GMDS: variants seen among roughly 807,000 people sequenced by gnomAD.
GMDS encodes GDP-mannose 4,6-dehydratase.
A neutral mutation model predicts 49.9 loss-of-function variants in GMDS; 20 were observed. That is an observed-to-expected ratio of 0.40 (90% CI 0.28 to 0.58). The LOEUF (loss-of-function observed/expected upper bound fraction) is 0.58, where lower values mean the gene tolerates loss of function less well. GMDS is among the 20% of genes least tolerant of loss of function. The probability of loss-of-function intolerance (pLI) is 0.42; values close to 1 mark genes in which losing one functional copy is unlikely to be tolerated. For synonymous variants in GMDS, 177 were observed against 178.6 expected (o/e 0.99, Z 0.07); for missense variants, 362 against 481.4 (o/e 0.75, Z 2.32).
intron 4 of GMDS, among the ~76,000 whole-genome samples, chr6:2,039,553 T>C (rs1286432485): frequency 6.6e-6 from 1 of 152,192 alleles, no homozygotes; most frequent in African/African-American, 2.4e-5. Context: ...CTTTATATCC[T>C]TATTCTATAA....
chr6:1,999,918 T>G, intron 4 of GMDS, among the ~76,000 whole-genome samples: 2 of 97,400 alleles, frequency 2.1e-5, no homozygotes, highest in Non-Finnish European at 3.9e-5. Context: ...ATATATTATA[T>G]ACATATTATA....
chr6:2,182,632 C>A (rs1778604552), intron 1 of GMDS, among the ~76,000 whole-genome samples: 1 of 152,150 alleles, frequency 6.6e-6, no homozygotes. Context: ...AACAACAAAG[C>A]CTGGATGACA....
chr6:1,670,533 A>C (rs1189685411), intron 9 of GMDS, among the ~76,000 whole-genome samples: 1 of 152,000 alleles, frequency 6.6e-6, no homozygotes, highest in African/African-American at 2.4e-5. Context: ...CAGATATGTA[A>C]AAGAAATTGG....
At chr6:1,816,880 G>T (rs553263696) in intron 7 of GMDS, among the ~76,000 whole-genome samples, 3 of 151,470 alleles carry the variant, frequency 2.0e-5, no homozygotes, top group South Asian at 2.1e-4. Context: ...TCAATGGAAG[G>T]GGGGTGGTAG....
rs6921244 is a variant in GMDS, at chr6:2,014,763, T to C, written c.346-53797A>G. Among the ~76,000 whole-genome samples the C allele has an allele frequency of 7.3e-4, 111 of 152,156 alleles. 1 individual carries two copies. Among genetic ancestry groups the C allele is most frequent in the African/African-American group, 2.5e-3 (103 of 41,540 alleles). ...AATGTAAATAGTCTAAATATACTAA[T>C]TAGAAAACAAAGAGTGACACAGTGG... On this transcript the variant is annotated intron_variant, in intron 4 of 10. Transcript: ENST00000380815.
intron 6 of GMDS, among the ~76,000 whole-genome samples, chr6:1,947,289 C>T (rs927144073): frequency 6.6e-6 from 1 of 152,096 alleles, no homozygotes; most frequent in African/African-American, 2.4e-5. Context: ...TTGTCTTCCT[C>T]AAAAAACATT....
At chr6:1,717,335 T>C (rs1766211341) in intron 9 of GMDS, among the ~76,000 whole-genome samples, 1 of 152,232 alleles carries the variant, frequency 6.6e-6, no homozygotes, top group Non-Finnish European at 1.5e-5. Flanking sequence ...GATGGGTTTT[T>C]GCAGACAGGT....
intron 9 of GMDS, among the ~76,000 whole-genome samples, chr6:1,711,934 G>A (rs1403087380): frequency 3.9e-5 from 6 of 152,138 alleles, no homozygotes; most frequent in Admixed American, 2.0e-4. Flanking sequence ...GTCACCAGCC[G>A]AACATGCCCC....
chr6:2,056,080 A>G (rs1770759689), intron 4 of GMDS, among the ~76,000 whole-genome samples: 1 of 152,196 alleles, frequency 6.6e-6, no homozygotes, highest in South Asian at 2.1e-4. Flanking sequence ...GAAAGAAAGA[A>G]TGTTGCCAAC....
chr6:1,782,852 T>C (rs1769161644), intron 7 of GMDS, among the ~76,000 whole-genome samples: 1 of 152,246 alleles, frequency 6.6e-6, no homozygotes, highest in African/African-American at 2.4e-5. Flanking sequence ...ATTATTTCTC[T>C]GTCAAGAAAG....
intron 1 of GMDS, among the ~76,000 whole-genome samples, chr6:2,203,587 G>A (rs1301602439): frequency 6.6e-6 from 1 of 151,758 alleles, no homozygotes; most frequent in Non-Finnish European, 1.5e-5. Context: ...TTTTTTTTAT[G>A]TGTCCAGATT....
At chr6:1,754,355 T>C (rs937532981) in intron 7 of GMDS, among the ~76,000 whole-genome samples, 1 of 152,192 alleles carries the variant, frequency 6.6e-6, no homozygotes, top group Non-Finnish European at 1.5e-5. Context: ...AATCCCTGAA[T>C]AGACCAATAA....
chr6:1,657,782 A>G (rs1433699762), intron 9 of GMDS, among the ~76,000 whole-genome samples: 1 of 137,958 alleles, frequency 7.2e-6, no homozygotes, highest in Non-Finnish European at 1.5e-5. Flanking sequence ...CTCCCTGGAG[A>G]GTTGGGCAAA....
At chr6:1,638,770 G>A (rs1763241345) in intron 9 of GMDS, among the ~76,000 whole-genome samples, 1 of 152,132 alleles carries the variant, frequency 6.6e-6, no homozygotes, top group Non-Finnish European at 1.5e-5. Context: ...TCTTATTAAT[G>A]CTACCACCAT....
intron 4 of GMDS, among the ~76,000 whole-genome samples, chr6:2,064,008 G>A (rs897102891): frequency 6.6e-6 from 1 of 152,212 alleles, no homozygotes; most frequent in Admixed American, 6.5e-5. Flanking sequence ...GGCAAATTGA[G>A]TTATCTAAAT....
intron 4 of GMDS, among the ~76,000 whole-genome samples, chr6:2,088,386 G>A (rs1361759476): frequency 3.3e-5 from 5 of 152,154 alleles, no homozygotes; most frequent in Non-Finnish European, 7.3e-5. Flanking sequence ...TGTATCATAG[G>A]ATTGGTATAA....
At chr6:2,190,647 T>C (rs163068) in intron 1 of GMDS, among the ~76,000 whole-genome samples, 6,281 of 152,262 alleles carry the variant, frequency 0.041, 261 homozygotes, top group East Asian at 0.13. Context: ...ACACAGCACA[T>C]GTTTTTTTGC....
intron 4 of GMDS, among the ~76,000 whole-genome samples, chr6:1,989,143 AT>A (rs1765762477): frequency 6.6e-6 from 1 of 152,242 alleles, no homozygotes; most frequent in Non-Finnish European, 1.5e-5. Context: ...GGGTATGGGA[AT>A]TTAGGAAAGT....
intron 1 of GMDS, among the ~76,000 whole-genome samples, chr6:2,154,457 T>C (rs1004530292): frequency 4.6e-5 from 7 of 152,176 alleles, no homozygotes; most frequent in Admixed American, 6.5e-5. Flanking sequence ...AGTACTCATA[T>C]TCAAAATTAA....
Sources: allele counts gnomAD v4.1 joint callset (sites outside exome capture counted in the v4.1 genomes callset), GRCh38; gene constraint gnomAD v4.1.1; transcripts MANE v1.5; gene names NCBI Gene and HGNC (gene_info 2026-07-23, HGNC 2026-07-21).